ABL1: variants seen among roughly 807,000 people sequenced by gnomAD.
ABL1 encodes the protein ABL proto-oncogene 1, non-receptor tyrosine kinase, also known as tyrosine-protein kinase ABL1.
In ABL1, 11 loss-of-function variants were observed where a neutral mutation model predicts 94.7. The observed-to-expected ratio is 0.12, with a 90% CI of 0.07 to 0.19. The LOEUF is 0.19. Ranked by LOEUF, ABL1 falls within the 10% of genes least tolerant of loss-of-function variation. The pLI is 1.00. For missense variants in ABL1, 1,082 were observed against 1,489.4 expected (o/e 0.73, Z 4.50); for synonymous variants, 656 against 622.4 (o/e 1.05, Z -0.80).
At chr9:130,752,621 G>C (rs1263760912) in intron 1 of ABL1, among the ~76,000 whole-genome samples, 2 of 152,116 alleles carry the variant, frequency 1.3e-5, no homozygotes, top group Non-Finnish European at 1.5e-5. Context: ...GAAGAACATG[G>C]CCAACATGAA....
At chr9:130,839,069 T>G (rs1830630580) in intron 1 of ABL1, among the ~76,000 whole-genome samples, 1 of 151,846 alleles carries the variant, frequency 6.6e-6, no homozygotes, top group Non-Finnish European at 1.5e-5. Flanking sequence ...GCTACCTGAC[T>G]AATTAAAATT....
intron 1 of ABL1, among the ~76,000 whole-genome samples, chr9:130,739,533 T>C (rs2789770): frequency 0.52 from 79,516 of 151,990 alleles, 22,452 homozygotes; most frequent in African/African-American, 0.74. Context: ...TTCAGAAAGC[T>C]ATTTGAAATT....
intron 1 of ABL1, among the ~76,000 whole-genome samples, chr9:130,767,040 G>A (rs1266645506): frequency 6.6e-6 from 1 of 152,082 alleles, no homozygotes; most frequent in Non-Finnish European, 1.5e-5. Context: ...TCCTCTTAGG[G>A]TTCCCTGGGC....
intron 1 of ABL1, among the ~76,000 whole-genome samples, chr9:130,822,813 T>C (rs141486206): frequency 6.6e-6 from 1 of 152,206 alleles, no homozygotes; most frequent in East Asian, 1.9e-4. Flanking sequence ...TCTTTTTTTT[T>C]TCGAGATGGA....
Position 130,806,889 on chromosome 9 carries a change from G to A in ABL1, c.137-47175G>A, listed in dbSNP as rs752519486. Among the ~76,000 whole-genome samples, 4 of 152,154 alleles carry A rather than the reference G, an allele frequency of 2.6e-5. No homozygotes were observed. In the East Asian group the frequency reaches 5.8e-4, roughly 22 times the overall value. ...TTTTTGGCTGGGCACAGTGGCTCAT[G>A]CCTGTAATTCCAGCACTTTGGGAGG... On this transcript the variant is annotated intron_variant, in intron 1 of 10. Coordinates refer to the ABL1 transcript ENST00000372348.
At position 130,714,616 on chromosome 9, in the gene ABL1, A is replaced by C. The variant is rs34617583; in HGVS notation, c.136+161A>C. ...TAGTGGAACTTTCTTTGTATAAGAAAAAGTTACTTCGTGACTTCGGCTTTA... is the reference window on the plus strand; with the variant it reads ...TAGTGGAACTTTCTTTGTATAAGAACAAGTTACTTCGTGACTTCGGCTTTA... On this transcript the variant is annotated intron_variant, in intron 1 of 10. Transcript: ENST00000372348. The C allele has an allele frequency of 1.2e-3, 1,147 of 984,804 alleles. 12 individuals carry two copies. The African/African-American group carries it at 0.017, about 15-fold the overall frequency. The allele number at this position is 984,804 out of a possible 1,614,324, so 61.0% of individuals were successfully genotyped here.
At position 130,873,049 on chromosome 9, in the gene ABL1, G is replaced by GC; in HGVS notation, c.1085+14dup. Reference sequence around the variant, plus strand: ...AACTTCATCCACAGGTAGGGGCCTGGCCAGGCAGCCTGCGCCATGGAGTCA... The same window carrying GC: ...AACTTCATCCACAGGTAGGGGCCTGGCCCAGGCAGCCTGCGCCATGGAGTCA... On this transcript the variant is annotated intron_variant, in intron 6 of 10. Transcript: ENST00000318560. 1 of 1,610,256 alleles carries GC rather than the reference G, an allele frequency of 6.2e-7. No homozygotes were observed. Among genetic ancestry groups the GC allele is most frequent in the Non-Finnish European group, 8.5e-7 (1 of 1,177,720 alleles).
intron 1 of ABL1, among the ~76,000 whole-genome samples, chr9:130,786,134 G>A (rs770229367): frequency 5.9e-5 from 9 of 152,156 alleles, no homozygotes; most frequent in African/African-American, 2.2e-4. Flanking sequence ...CTGGGGGAAC[G>A]CCCAGGCCAG....
At chr9:130,797,734 A>C (rs1829999017) in intron 1 of ABL1, among the ~76,000 whole-genome samples, 1 of 152,222 alleles carries the variant, frequency 6.6e-6, no homozygotes, top group African/African-American at 2.4e-5. Flanking sequence ...TTAACATTTA[A>C]ATCTTTGTTG....
chr9:130,845,694 G>A (rs910436787), intron 1 of ABL1, among the ~76,000 whole-genome samples: 4 of 152,054 alleles, frequency 2.6e-5, no homozygotes, highest in Non-Finnish European at 4.4e-5. Context: ...TTTAATGTGC[G>A]AATAAAGAGA....
intron 1 of ABL1, among the ~76,000 whole-genome samples, chr9:130,756,887 G>A (rs1269528280): frequency 6.6e-6 from 1 of 152,178 alleles, no homozygotes; most frequent in Non-Finnish European, 1.5e-5. Context: ...TGAGCTCATG[G>A]TTTGGAATTT....
At chr9:130,815,656 A>G (rs1830275116) in intron 1 of ABL1, among the ~76,000 whole-genome samples, 1 of 152,148 alleles carries the variant, frequency 6.6e-6, no homozygotes, top group Non-Finnish European at 1.5e-5. Context: ...AGCCAGAGCT[A>G]ATCATTTTAA....
chr9:130,831,107 G>A (rs1392366580), upstream of ABL1, among the ~76,000 whole-genome samples: 1 of 152,248 alleles, frequency 6.6e-6, no homozygotes, highest in African/African-American at 2.4e-5. Context: ...ATCAGAGAAA[G>A]TGGGCTTTGT....
At chr9:130,716,147 T>A (rs116978053) in intron 1 of ABL1, among the ~76,000 whole-genome samples, 23 of 132,578 alleles carry the variant, frequency 1.7e-4, no homozygotes, top group Non-Finnish European at 3.1e-4. Flanking sequence ...AGTGCAGGAG[T>A]GCAGTGTGGC....
rs556391321 is a variant in ABL1, at chr9:130,773,325, T to A, written c.136+58870T>A. Among the ~76,000 whole-genome samples the A allele has an allele frequency of 4.1e-3, 626 of 151,098 alleles. 6 individuals carry two copies. The highest frequency in any genetic ancestry group is 0.014 in the African/African-American group (596 of 41,192). ...CAAGAGTGAAACTCCATCTCGAATTTAAAAAAAAATTTAAAAAATAAATAA... is the reference window on the plus strand; with the variant it reads ...CAAGAGTGAAACTCCATCTCGAATTAAAAAAAAAATTTAAAAAATAAATAA... On this transcript the variant is annotated intron_variant, in intron 1 of 10. Transcript: ENST00000372348.
exon 1 of ABL1, among the ~76,000 whole-genome samples, chr9:130,713,319 C>T (rs750432946): frequency 3.9e-5 from 6 of 152,222 alleles, no homozygotes; most frequent in African/African-American, 1.2e-4. Flanking sequence ...GGCCCGCCTT[C>T]CGCTGTCTGG....
At position 130,768,142 on chromosome 9, in the gene ABL1, A is replaced by G. The variant is rs563625942; in HGVS notation, c.136+53687A>G. Among the ~76,000 whole-genome samples, 12 of 151,914 alleles carry G rather than the reference A, an allele frequency of 7.9e-5. No homozygotes were observed. In the South Asian group the frequency reaches 2.1e-3, roughly 26 times the overall value. ...AGATGGGAGAGCCCCCTTCCCCCCA[A>G]CCCCCATACACTCCTATGTGTACAA... On this transcript the variant is annotated intron_variant, in intron 1 of 10. Coordinates refer to the ABL1 transcript ENST00000372348.
At chr9:130,783,091 T>C (rs1829779135) in intron 1 of ABL1, among the ~76,000 whole-genome samples, 1 of 152,248 alleles carries the variant, frequency 6.6e-6, no homozygotes, top group Non-Finnish European at 1.5e-5. Flanking sequence ...TTATTTGATA[T>C]ACAGTCCATA....
intron 1 of ABL1, among the ~76,000 whole-genome samples, chr9:130,784,523 C>G (rs1445981065): frequency 6.6e-6 from 1 of 152,072 alleles, no homozygotes; most frequent in East Asian, 1.9e-4. Flanking sequence ...TTTCATATAT[C>G]CTGCCATCCC....
Sources: allele counts gnomAD v4.1 joint callset (sites outside exome capture counted in the v4.1 genomes callset), GRCh38; gene constraint gnomAD v4.1.1; transcripts MANE v1.5; gene names NCBI Gene and HGNC (gene_info 2026-07-23, HGNC 2026-07-21).